The following LPP variants were observed in gnomAD, a reference collection of about 807,000 sequenced individuals.
The protein encoded by LPP is lipoma-preferred partner.
Under a neutral mutation model 60.4 loss-of-function variants are expected in LPP, and 38 were observed. That is an observed-to-expected ratio of 0.63 (90% CI 0.49 to 0.83). The LOEUF (loss-of-function observed/expected upper bound fraction) is 0.83, where lower values mean the gene tolerates loss of function less well. Among genes scored for constraint, LPP ranks in the 40% least tolerant of loss-of-function variants. The pLI is 0.00. For synonymous variants in LPP, 328 were observed against 290.8 expected, an observed-to-expected ratio of 1.13 and a Z score of -1.30; for missense variants, 902 against 783.6, an observed-to-expected ratio of 1.15 and a Z score of -1.80.
chr3:188,184,728 G>C (rs1260719832), intron 1 of LPP, among the ~76,000 whole-genome samples: 2 of 151,026 alleles, frequency 1.3e-5, no homozygotes, highest in South Asian at 2.1e-4. Context: ...AAAGAGCAGG[G>C]GTACATTTTG....
chr3:188,746,062 C>T (rs1445618103), intron 8 of LPP, among the ~76,000 whole-genome samples: 3 of 152,052 alleles, frequency 2.0e-5, no homozygotes, highest in Admixed American at 2.0e-4. Context: ...TAATAATGAT[C>T]TTCTCTTTTC....
At chr3:188,770,020 T>G (rs1360243995) in intron 9 of LPP, among the ~76,000 whole-genome samples, 2 of 152,276 alleles carry the variant, frequency 1.3e-5, no homozygotes, top group Non-Finnish European at 2.9e-5. Flanking sequence ...AATAATGGTT[T>G]AAGATTATTT....
Position 188,877,475 on chromosome 3 carries a change from G to A in LPP, c.*2996G>A, listed in dbSNP as rs1358854838. Reference sequence around the variant, plus strand: ...GGCTCTGCAGAACATATCAAAATAGGATTTCTTAAATTTTTCAACCCCCAG... The same window carrying A: ...GGCTCTGCAGAACATATCAAAATAGAATTTCTTAAATTTTTCAACCCCCAG... On this transcript the variant is annotated 3_prime_UTR_variant, in exon 12 of 12. Coordinates refer to ENST00000617246, the MANE Select transcript of LPP (RefSeq NM_001375462.1). 5.3e-6 allele frequency: 1 copy of A among 186,960 alleles called. No homozygotes were observed. The highest frequency in any genetic ancestry group is 8.6e-5 in the East Asian group (1 of 11,692). The allele number at this position is 186,960 out of a possible 1,614,324, so 11.6% of individuals were successfully genotyped here. A position where few individuals can be genotyped will look rare whatever the true frequency, so the allele number is the denominator to read the frequency against.
intron 6 of LPP, among the ~76,000 whole-genome samples, chr3:188,536,422 A>G (rs1031043106): frequency 6.6e-6 from 1 of 152,170 alleles, no homozygotes. Context: ...ATACTTCTTG[A>G]CCCAGTATTT....
At chr3:188,597,997 G>A (rs932484769) in intron 6 of LPP, among the ~76,000 whole-genome samples, 1 of 152,086 alleles carries the variant, frequency 6.6e-6, no homozygotes, top group African/African-American at 2.4e-5. Flanking sequence ...GACATTAATG[G>A]TGGGCACCTT....
intron 9 of LPP, among the ~76,000 whole-genome samples, chr3:188,864,259 C>G (rs1165142011): frequency 6.6e-6 from 1 of 152,246 alleles, no homozygotes; most frequent in African/African-American, 2.4e-5. Context: ...GATGGATTTA[C>G]CAATTCATCT....
Position 188,484,573 on chromosome 3 carries a change from G to GT in LPP, c.194-16dup. 9 of 1,541,192 alleles carry GT rather than the reference G, an allele frequency of 5.8e-6. No individual in the cohort carries two copies. Among genetic ancestry groups the GT allele is most frequent in the Non-Finnish European group, 8.1e-6 (9 of 1,114,582 alleles). On this transcript the variant is annotated intron_variant, in intron 4 of 11. Transcript: ENST00000617246. ...GTTGCATCCTTATTAACTTCATGTT[G>GT]TTTACTTCTTTTCTGTAGGTGATTT...
intron 2 of LPP, among the ~76,000 whole-genome samples, chr3:188,302,130 T>C (rs1377353405): frequency 6.6e-6 from 1 of 152,166 alleles, no homozygotes; most frequent in Non-Finnish European, 1.5e-5. Flanking sequence ...CTGAAAACCA[T>C]TTTTCTTCTG....
chr3:188,452,933 G>A (rs766085695), intron 4 of LPP, among the ~76,000 whole-genome samples: 1 of 152,006 alleles, frequency 6.6e-6, no homozygotes, highest in Non-Finnish European at 1.5e-5. Flanking sequence ...TTTATTTTAA[G>A]CTTTAGATTC....
intron 7 of LPP, among the ~76,000 whole-genome samples, chr3:188,668,107 C>T (rs989232752): frequency 1.3e-5 from 2 of 151,812 alleles, no homozygotes; most frequent in African/African-American, 4.8e-5. Flanking sequence ...CAAGCTGTTA[C>T]CTCAGTATAT....
In LPP at chr3:188,577,779, T is replaced by TC. The variant is rs1371130870; in HGVS notation, c.430-31381dup. Among the ~76,000 whole-genome samples, 12 of 143,886 alleles carry TC rather than the reference T, an allele frequency of 8.3e-5. No homozygotes were observed. The South Asian group carries it at 1.4e-3, about 17-fold the overall frequency. 94.4% of individuals were successfully genotyped at this position (143,886 alleles called of 152,430 possible). On this transcript the variant is annotated intron_variant, in intron 6 of 11. Transcript: ENST00000617246. Reference sequence around the variant, plus strand: ...TTCCTTCGTTCCTTCCTTCCTTCCTTCTGTCCTTCCCTTCCCTCCCTCCCT... The same window carrying TC: ...TTCCTTCGTTCCTTCCTTCCTTCCTTCCTGTCCTTCCCTTCCCTCCCTCCCT...
intron 3 of LPP, among the ~76,000 whole-genome samples, chr3:188,356,897 T>C (rs1482028706): frequency 6.6e-5 from 10 of 152,236 alleles, no homozygotes; most frequent in African/African-American, 2.4e-4. Context: ...TTTCAACTGC[T>C]TCTGGTCAAG....
chr3:188,389,990 T>C lies in LPP; in HGVS notation c.-9-16122T>C, dbSNP rs185250061. ...GCCTCACTCTGTCCAATTGTGTTCC[T>C]TCCAAGAGATAAAACTGAGAAAGTG... On this transcript the variant is annotated intron_variant, in intron 3 of 11. Coordinates refer to ENST00000617246, the MANE Select transcript of LPP (RefSeq NM_001375462.1). 2.4e-4 allele frequency among the ~76,000 whole-genome samples: 37 copies of C among 152,222 alleles called. 1 individual carries two copies. Among genetic ancestry groups the C allele is most frequent in the Admixed American group, 2.4e-3 (36 of 15,282 alleles).
At chr3:188,570,569 A>G (rs1235805971) in intron 6 of LPP, among the ~76,000 whole-genome samples, 1 of 152,090 alleles carries the variant, frequency 6.6e-6, no homozygotes, top group East Asian at 1.9e-4. Flanking sequence ...AAGGACTGTA[A>G]TGTCTCAATT....
chr3:188,576,028 C>A (rs968933583), intron 6 of LPP, among the ~76,000 whole-genome samples: 7 of 152,166 alleles, frequency 4.6e-5, no homozygotes, highest in Non-Finnish European at 1.0e-4. Flanking sequence ...TTTCCACCCC[C>A]AAGCACACAA....
chr3:188,730,756 C>A (rs1319258789), intron 8 of LPP, among the ~76,000 whole-genome samples: 1 of 152,244 alleles, frequency 6.6e-6, no homozygotes, highest in African/African-American at 2.4e-5. Flanking sequence ...TCTCATCTGG[C>A]TAAAACCATC....
At chr3:188,611,022 C>T (rs918245465) in intron 7 of LPP, among the ~76,000 whole-genome samples, 3 of 152,308 alleles carry the variant, frequency 2.0e-5, no homozygotes, top group South Asian at 4.1e-4. Flanking sequence ...GATCTATTCA[C>T]ATATTCAACA....
chr3:188,252,809 T>A (rs990584912), intron 2 of LPP, among the ~76,000 whole-genome samples: 4 of 152,358 alleles, frequency 2.6e-5, no homozygotes, highest in South Asian at 2.1e-4. Context: ...TCTCTCTCTG[T>A]TGCCCAGGCT....
At chr3:188,576,201 G>A (rs2150915203) in intron 6 of LPP, among the ~76,000 whole-genome samples, 1 of 152,268 alleles carries the variant, frequency 6.6e-6, no homozygotes, top group Non-Finnish European at 1.5e-5. Flanking sequence ...AATAGGGCAG[G>A]AATTTGCTTT....
Sources: gnomAD v4.1 joint callset for allele counts (sites outside exome capture counted in the v4.1 genomes callset) on GRCh38, gnomAD v4.1.1 for gene constraint, MANE v1.5 for transcripts, NCBI Gene and HGNC (gene_info 2026-07-23, HGNC 2026-07-21) for gene names.